The following BSPRY variants were observed in gnomAD, a reference collection of about 807,000 sequenced individuals.
The protein encoded by BSPRY is B-box and SPRY domain containing.
Under a neutral mutation model 38.0 loss-of-function variants are expected in BSPRY, and 33 were observed. The ratio of observed to expected loss-of-function variants is 0.87; its 90% CI spans 0.66 to 1.16. The LOEUF (loss-of-function observed/expected upper bound fraction) is 1.16, where lower values mean the gene tolerates loss of function less well. Among genes scored for constraint, BSPRY ranks in the 50% most tolerant of loss-of-function variants. BSPRY has a pLI of 0.00. For missense variants in BSPRY, 523 were observed against 533.2 expected (o/e 0.98, Z 0.19); for synonymous variants, 224 against 228.5 (o/e 0.98, Z 0.18).
Position 113,370,228 on chromosome 9 carries a change from G to C in BSPRY, c.*86G>C, listed in dbSNP as rs1235318861. ...AGTGTGCTTTTCCCAAATGATGTGTGTGGTGTTTCTAAGAGAAACAGGGCC... is the reference window on the plus strand; with the variant it reads ...AGTGTGCTTTTCCCAAATGATGTGTCTGGTGTTTCTAAGAGAAACAGGGCC... On this transcript the variant is annotated 3_prime_UTR_variant, in exon 6 of 6. Transcript: ENST00000374183. The surrounding 1 kb of genome is among the most constrained non-coding windows in gnomAD (Gnocchi z 4.8). The C allele has an allele frequency of 1.4e-6, 2 of 1,455,950 alleles. No homozygotes were observed. Among genetic ancestry groups the C allele is most frequent in the East Asian group, 4.6e-5 (2 of 43,468 alleles). 90.2% of individuals were successfully genotyped at this position (1,455,950 alleles called of 1,614,324 possible). A position where few individuals can be genotyped will look rare whatever the true frequency, so the allele number is the denominator to read the frequency against.
Position 113,354,304 on chromosome 9 carries a change from C to G in BSPRY, c.266C>G (p.Ala89Gly). Residue 89 changes from alanine (A) to glycine (G), a missense_variant, in exon 2 of 6, where the codon GCG becomes GGG. Physicochemically the swap from Ala to Gly is moderately conservative, Grantham distance 60. Transcript: ENST00000374183. ...AGTGCTGCCATCACCAAGTATGTGG[C>G]GGACGTCCTGCCGGGGAAGAATCAA... ...LQSAAITKYV[A>G]DVLPGKNQRA... 6.2e-7 allele frequency: 1 copy of G among 1,614,052 alleles called. No homozygotes were observed. The highest frequency in any genetic ancestry group is 2.2e-5 in the East Asian group (1 of 44,882).
chr9:113,355,681 C>T (rs1834046475), intron 2 of BSPRY, among the ~76,000 whole-genome samples: 1 of 150,686 alleles, frequency 6.6e-6, no homozygotes, highest in South Asian at 2.1e-4. Flanking sequence ...ATGGCGCGAT[C>T]TCGGCTCACT....
intron 2 of BSPRY, among the ~76,000 whole-genome samples, chr9:113,356,211 TAAG>T (rs1416170852): frequency 8.6e-5 from 13 of 151,968 alleles, no homozygotes; most frequent in Admixed American, 8.5e-4. Flanking sequence ...ATGACTTCAT[TAAG>T]AAGGTTGAGG....
intron 1 of BSPRY, among the ~76,000 whole-genome samples, chr9:113,351,641 G>A (rs1833973302): frequency 6.6e-6 from 1 of 152,190 alleles, no homozygotes; most frequent in African/African-American, 2.4e-5. Flanking sequence ...AACTCTTAGG[G>A]GGAACAGTGG....
At chr9:113,356,304 A>G (rs538515365) in intron 2 of BSPRY, among the ~76,000 whole-genome samples, 17 of 152,198 alleles carry the variant, frequency 1.1e-4, no homozygotes, top group African/African-American at 4.1e-4. Flanking sequence ...GGAGTTCCAG[A>G]CCATCCTGGC....
Position 113,368,371 on chromosome 9 carries a change from G to C in BSPRY, c.670G>C (p.Gly224Arg). ...CCAACTCTGGGCAACGGCGGTTCTT[G>C]GGTCTCTCTCAGGTTAGGAGCAGTA... is the stretch of plus-strand genomic sequence containing the variant. Reference protein sequence around the residue: ...LTQLWATAVLGSLSGTEDIRI... With the variant: ...LTQLWATAVLRSLSGTEDIRI... Residue 224 changes from glycine to arginine, a missense_variant, in exon 5 of 6, where the codon GGG becomes CGG. Physicochemically the swap from Gly to Arg is moderately radical, Grantham distance 125 (BLOSUM62 -2). Transcript: ENST00000374183. 1.2e-6 allele frequency: 2 copies of C among 1,614,114 alleles called. No homozygotes were observed. Among genetic ancestry groups the C allele is most frequent in the Non-Finnish European group, 1.7e-6 (2 of 1,180,026 alleles).
chr9:113,356,365 C>G (rs934560238), intron 2 of BSPRY, among the ~76,000 whole-genome samples: 1 of 152,072 alleles, frequency 6.6e-6, no homozygotes, highest in African/African-American at 2.4e-5. Context: ...ATTAGCAGGG[C>G]ATGGTGGCGG....
At chr9:113,355,867 C>T (rs10119823) in intron 2 of BSPRY, among the ~76,000 whole-genome samples, 50,789 of 151,828 alleles carry the variant, frequency 0.33, 10,953 homozygotes, top group African/African-American at 0.61. Flanking sequence ...CTGCCCACCT[C>T]GGCCTCCCAA....
intron 1 of BSPRY, among the ~76,000 whole-genome samples, chr9:113,350,527 T>C (rs548755943): frequency 5.3e-5 from 8 of 152,154 alleles, no homozygotes; most frequent in Non-Finnish European, 8.8e-5. Flanking sequence ...ATCACCATTC[T>C]CCTGAGCTGC....
intron 3 of BSPRY, among the ~76,000 whole-genome samples, 195 bp from the exon 4 acceptor site, chr9:113,362,174 G>GGTGTGTGTGTGTGTGTGTGT (rs10600721): frequency 7.1e-6 from 1 of 141,248 alleles, no homozygotes; most frequent in East Asian, 2.1e-4. Context: ...ATGTGTTATG[G>GGTGTGTGTGTGTGTGTGTGT]GTGTGTGTGT....
At chr9:113,352,586 G>T (rs1297881852) in intron 1 of BSPRY, among the ~76,000 whole-genome samples, 1 of 152,196 alleles carries the variant, frequency 6.6e-6, no homozygotes, top group Non-Finnish European at 1.5e-5. Flanking sequence ...AAGAAGGCCA[G>T]CATGGATAGA....
intron 4 of BSPRY, among the ~76,000 whole-genome samples, chr9:113,365,733 A>AG (rs1834236711): frequency 1.2e-4 from 17 of 137,734 alleles, no homozygotes; most frequent in Non-Finnish European, 1.7e-4. Flanking sequence ...GAGAAAGAGA[A>AG]AGAGAGAGAG....
intron 4 of BSPRY, among the ~76,000 whole-genome samples, chr9:113,365,765 G>A (rs1731067961): frequency 6.7e-6 from 1 of 149,168 alleles, no homozygotes; most frequent in Admixed American, 6.7e-5. Flanking sequence ...GTGTGTGTGT[G>A]TGTAGCTGTT....
At chr9:113,349,898 C>A in intron 1 of BSPRY, 118 bp downstream of exon 1, 1 of 1,170,862 alleles carries the variant, frequency 8.5e-7, no homozygotes, top group Non-Finnish European at 1.1e-6. Flanking sequence ...GCCCCGGAGC[C>A]TAGGCTCCTC....
chr9:113,368,566 T>C (rs1834289956), intron 5 of BSPRY, among the ~76,000 whole-genome samples, 183 bp downstream of exon 5: 1 of 152,140 alleles, frequency 6.6e-6, no homozygotes, highest in Non-Finnish European at 1.5e-5. Flanking sequence ...CTGGGCCAAG[T>C]CCTTCCCATT....
chr9:113,354,377 A>G (rs1834023565), intron 2 of BSPRY, 39 bp downstream of exon 2: 1 of 1,556,820 alleles, frequency 6.4e-7, no homozygotes, highest in South Asian at 1.1e-5. Flanking sequence ...GCCCCCTCCC[A>G]GGATAAGGCC....
intron 1 of BSPRY, among the ~76,000 whole-genome samples, chr9:113,353,767 T>C (rs1446365028): frequency 6.6e-6 from 1 of 152,084 alleles, no homozygotes; most frequent in Non-Finnish European, 1.5e-5. Flanking sequence ...AAGGCAAACA[T>C]AGTACTAAAG....
chr9:113,350,415 A>G (rs1833953677), intron 1 of BSPRY, among the ~76,000 whole-genome samples: 3 of 152,186 alleles, frequency 2.0e-5, no homozygotes, highest in South Asian at 2.1e-4. Context: ...CTTCAGCTGG[A>G]TAAACGGTGG....
intron 4 of BSPRY, among the ~76,000 whole-genome samples, chr9:113,364,647 T>G (rs1474029442): frequency 1.3e-5 from 2 of 152,128 alleles, no homozygotes; most frequent in African/African-American, 4.8e-5. Flanking sequence ...TCTCTCTGTC[T>G]TCCTATTTAT....
Sources: allele counts gnomAD v4.1 joint callset (sites outside exome capture counted in the v4.1 genomes callset), GRCh38; gene constraint gnomAD v4.1.1; non-coding constraint Gnocchi (gnomAD v3.1); transcripts MANE v1.5; gene names NCBI Gene and HGNC (gene_info 2026-07-23, HGNC 2026-07-21).